The following DGKB variants were observed in gnomAD, a reference collection of about 807,000 sequenced individuals.
DGKB encodes the protein 90 kDa diacylglycerol kinase.
In DGKB, 67 loss-of-function variants were observed where a neutral mutation model predicts 114.3. The ratio of observed to expected loss-of-function variants is 0.59; its 90% CI spans 0.48 to 0.72. DGKB has a LOEUF of 0.72. Among genes scored for constraint, DGKB ranks in the 30% least tolerant of loss-of-function variants. The pLI is 0.00. For synonymous variants in DGKB, 398 were observed against 323.1 expected (o/e 1.23, Z -2.49); for missense variants, 907 against 975.2 (o/e 0.93, Z 0.93).
chr7:14,759,849 AG>A (rs1239957722), intron 2 of DGKB, among the ~76,000 whole-genome samples: 1 of 152,156 alleles, frequency 6.6e-6, no homozygotes, highest in Admixed American at 6.5e-5. Flanking sequence ...TTTTCACAAC[AG>A]CTACACCATT....
rs557747308 is a variant in DGKB, at chr7:14,367,840, C to G, written c.1836-22449G>C. On this transcript the variant is annotated intron_variant, in intron 21 of 25. Transcript: ENST00000402815. ...GGGAAACTGCCAAACACTGTTAAAA[C>G]TTCAGATCTCGTGAGGACTCACTAT... 7.4e-4 allele frequency among the ~76,000 whole-genome samples: 112 copies of G among 152,006 alleles called. 1 individual carries two copies. Among genetic ancestry groups the G allele is most frequent in the African/African-American group, 2.7e-3 (110 of 41,498 alleles).
chr7:14,382,467 CA>C (rs1426270057), intron 21 of DGKB, among the ~76,000 whole-genome samples: 3 of 145,888 alleles, frequency 2.1e-5, no homozygotes, highest in African/African-American at 7.5e-5. Flanking sequence ...CACACACACA[CA>C]GACACATACA....
At chr7:14,945,814 T>C (rs1031570643) in intron 1 of DGKB, among the ~76,000 whole-genome samples, 3 of 151,782 alleles carry the variant, frequency 2.0e-5, no homozygotes, top group South Asian at 2.1e-4. Flanking sequence ...TTAGAATTAG[T>C]AAAATTCCTA....
At chr7:14,343,755 T>C (rs1242365232) in intron 22 of DGKB, among the ~76,000 whole-genome samples, 2 of 150,972 alleles carry the variant, frequency 1.3e-5, no homozygotes, top group African/African-American at 4.8e-5. Context: ...AAATCTAGTA[T>C]ATAAAGCAGT....
At chr7:14,356,728 G>A (rs1814620194) in intron 21 of DGKB, among the ~76,000 whole-genome samples, 1 of 151,972 alleles carries the variant, frequency 6.6e-6, no homozygotes, top group Admixed American at 6.6e-5. Flanking sequence ...TTTCTCTTGT[G>A]GGAATTTAGT....
chr7:14,562,572 A>G (rs1383810940), intron 20 of DGKB, among the ~76,000 whole-genome samples: 1 of 152,216 alleles, frequency 6.6e-6, no homozygotes, highest in East Asian at 1.9e-4. Context: ...TATCTTTTGC[A>G]TCAGTGTGAC....
intron 25 of DGKB, among the ~76,000 whole-genome samples, chr7:14,174,211 G>A (rs919831879): frequency 3.9e-5 from 6 of 152,138 alleles, no homozygotes; most frequent in Admixed American, 6.5e-5. Flanking sequence ...GAGATGAAGC[G>A]TGCAGATGCT....
intron 21 of DGKB, among the ~76,000 whole-genome samples, chr7:14,361,140 T>A (rs1183468729): frequency 1.3e-5 from 2 of 152,106 alleles, no homozygotes; most frequent in Non-Finnish European, 2.9e-5. Flanking sequence ...TTTTACCTTT[T>A]GTTTTTCTTC....
chr7:14,663,405 T>A (rs562911629), intron 13 of DGKB, among the ~76,000 whole-genome samples: 29 of 152,180 alleles, frequency 1.9e-4, no homozygotes, highest in African/African-American at 2.6e-4. Context: ...TGTTTGTTTA[T>A]TATTGATCTA....
intron 13 of DGKB, among the ~76,000 whole-genome samples, chr7:14,660,403 A>G (rs1816790569): frequency 6.6e-6 from 1 of 151,896 alleles, no homozygotes; most frequent in African/African-American, 2.4e-5. Flanking sequence ...TATTGCCACA[A>G]TTTCAGATCC....
chr7:14,664,841 T>C (rs1161116084), intron 13 of DGKB, among the ~76,000 whole-genome samples: 3 of 151,806 alleles, frequency 2.0e-5, no homozygotes, highest in Non-Finnish European at 4.4e-5. Flanking sequence ...TGCTCTTATC[T>C]GGATTTTTAG....
intron 1 of DGKB, among the ~76,000 whole-genome samples, chr7:14,869,551 T>G (rs1852164921): frequency 6.6e-6 from 1 of 152,144 alleles, no homozygotes; most frequent in Admixed American, 6.5e-5. Context: ...ATAAAATAAT[T>G]CATATCAAAC....
At chr7:14,949,974 G>T (rs1234345317) in intron 1 of DGKB, among the ~76,000 whole-genome samples, 2 of 151,456 alleles carry the variant, frequency 1.3e-5, no homozygotes, top group African/African-American at 2.4e-5. Flanking sequence ...AGTGGGGAGG[G>T]ATAGCATTAG....
chr7:14,865,521 T>C (rs888407504), intron 1 of DGKB, among the ~76,000 whole-genome samples: 1 of 152,218 alleles, frequency 6.6e-6, no homozygotes, highest in African/African-American at 2.4e-5. Flanking sequence ...CTCTTTACCG[T>C]CTTCAATTCT....
intron 25 of DGKB, among the ~76,000 whole-genome samples, chr7:14,163,662 A>G (rs774548084): frequency 6.6e-6 from 1 of 152,090 alleles, no homozygotes; most frequent in Non-Finnish European, 1.5e-5. Flanking sequence ...AAGACTATTA[A>G]TTTTCTCTCT....
At position 14,145,112 on chromosome 7, in the gene DGKB, T is replaced by G. The variant is rs552358747; in HGVS notation, c.*4019A>C. The G allele has an allele frequency of 5.9e-5, 9 of 152,266 alleles. No homozygotes were observed. The highest frequency in any genetic ancestry group is 2.2e-4 in the African/African-American group (9 of 41,556). 9.4% of individuals were successfully genotyped at this position (152,266 alleles called of 1,614,324 possible). ...GTATATATCATTTCTGAGAAAATAA[T>G]TAAGGTACTATAATTAAGTTCCATG... On this transcript the variant is annotated 3_prime_UTR_variant, in exon 26 of 26. Transcript: ENST00000402815.
intron 21 of DGKB, among the ~76,000 whole-genome samples, chr7:14,389,265 C>T (rs1312097999): frequency 1.3e-5 from 2 of 152,162 alleles, no homozygotes; most frequent in African/African-American, 4.8e-5. Flanking sequence ...TGTTTTCACC[C>T]ATCAAACATA....
At chr7:14,850,556 A>G (rs1849217939) in intron 1 of DGKB, among the ~76,000 whole-genome samples, 1 of 152,146 alleles carries the variant, frequency 6.6e-6, no homozygotes, top group Non-Finnish European at 1.5e-5. Context: ...AGTGTTTAGG[A>G]AATGGAGGAT....
intron 15 of DGKB, among the ~76,000 whole-genome samples, chr7:14,617,061 G>C (rs1025301157): frequency 1.3e-5 from 2 of 151,632 alleles, no homozygotes; most frequent in African/African-American, 4.8e-5. Context: ...AGTTAGACTG[G>C]TTTTGGATCC....
Sources: allele counts gnomAD v4.1 joint callset (sites outside exome capture counted in the v4.1 genomes callset), GRCh38; gene constraint gnomAD v4.1.1; transcripts MANE v1.5; gene names NCBI Gene and HGNC (gene_info 2026-07-23, HGNC 2026-07-21).